The following SCML4 variants were observed in gnomAD, a reference collection of about 807,000 sequenced individuals.
The protein encoded by SCML4 is sex comb on midleg-like protein 4.
SCML4 carries 34 observed loss-of-function variants against 41.1 expected under a neutral mutation model. The observed-to-expected ratio is 0.83, with a 90% CI of 0.63 to 1.10. The LOEUF is 1.10. SCML4 is among the 50% of genes least tolerant of loss of function. The pLI is 0.00. For missense variants in SCML4, 522 were observed against 534.1 expected, an observed-to-expected ratio of 0.98 and a Z score of 0.22; for synonymous variants, 214 against 220.9, an observed-to-expected ratio of 0.97 and a Z score of 0.28.
intron 2 of SCML4, among the ~76,000 whole-genome samples, chr6:107,750,628 G>T (rs539039590): frequency 6.6e-5 from 10 of 152,276 alleles, no homozygotes; most frequent in African/African-American, 1.9e-4. Flanking sequence ...TCAGTCTCTG[G>T]AAGTGAGACT....
intron 7 of SCML4, 53 bp from the exon 8 acceptor site, chr6:107,705,378 C>T (rs1002121706): frequency 5.2e-6 from 8 of 1,524,650 alleles, no homozygotes; most frequent in South Asian, 2.4e-5. Flanking sequence ...TCAGAGTCAT[C>T]GAACAGTGGC....
At chr6:107,721,070 A>G in intron 5 of SCML4, 77 bp from the exon 6 acceptor site, 1 of 1,491,768 alleles carries the variant, frequency 6.7e-7, no homozygotes, top group South Asian at 1.4e-5. Flanking sequence ...GTCTTGGCAA[A>G]CCCTGCCCTG....
intron 2 of SCML4, among the ~76,000 whole-genome samples, chr6:107,762,948 T>A (rs1166828161): frequency 1.4e-5 from 2 of 146,108 alleles, no homozygotes; most frequent in African/African-American, 5.1e-5. Flanking sequence ...AGTGACACAA[T>A]CATGACTTAC....
At chr6:107,801,326 C>G (rs774127675) in intron 1 of SCML4, among the ~76,000 whole-genome samples, 17 of 152,194 alleles carry the variant, frequency 1.1e-4, no homozygotes, top group Non-Finnish European at 1.6e-4. Context: ...GTAATCCCTT[C>G]CCCACCTCCC....
chr6:107,771,334 C>T (rs919547867), intron 2 of SCML4, among the ~76,000 whole-genome samples: 3 of 152,144 alleles, frequency 2.0e-5, no homozygotes, highest in South Asian at 4.1e-4. Context: ...AAGATGGAAA[C>T]ATAAGCCTTT....
chr6:107,709,751 C>T (rs1204823872), intron 6 of SCML4, among the ~76,000 whole-genome samples: 1 of 152,002 alleles, frequency 6.6e-6, no homozygotes, highest in South Asian at 2.1e-4. Context: ...ACTCTTGTTG[C>T]GCAGGCTGGA....
rs1442905278 is a variant in SCML4, at chr6:107,720,697, C to T, written c.973+6G>A. ...CAGTGGGAAGCTGATGCATGCATTA[C>T]ATTACCACATCTGTTTCCTTCAAGA... On this transcript the variant is annotated splice_donor_region_variant and intron_variant, in intron 6 of 7. Coordinates refer to ENST00000369020, the MANE Select transcript of SCML4 (RefSeq NM_198081.5). The T allele has an allele frequency of 6.5e-7, 1 of 1,537,368 alleles. No individual in the cohort carries two copies. Among genetic ancestry groups the T allele is most frequent in the Non-Finnish European group, 8.7e-7 (1 of 1,144,300 alleles).
intron 1 of SCML4, among the ~76,000 whole-genome samples, chr6:107,801,782 C>T: frequency 6.8e-6 from 1 of 147,410 alleles, no homozygotes; most frequent in South Asian, 2.1e-4. Context: ...TTATTCATTT[C>T]TTTTTTTTTT....
chr6:107,778,222 A>AAAAAAAAAAAAAAATATATATATAT (rs1554218145), intron 1 of SCML4, among the ~76,000 whole-genome samples: 1 of 15,540 alleles, frequency 6.4e-5, no homozygotes, highest in Non-Finnish European at 1.5e-4. Context: ...AAAAAAAAAA[A>AAAAAAAAAAAAAAATATATATATAT]ATATATATAT....
At chr6:107,791,705 G>A (rs552664128) in intron 1 of SCML4, among the ~76,000 whole-genome samples, 1 of 152,224 alleles carries the variant, frequency 6.6e-6, no homozygotes, top group South Asian at 2.1e-4. Context: ...TGTAATCCCA[G>A]CACTTTGTGA....
At chr6:107,713,436 G>T (rs1048629999) in intron 6 of SCML4, among the ~76,000 whole-genome samples, 1 of 152,192 alleles carries the variant, frequency 6.6e-6, no homozygotes, top group Non-Finnish European at 1.5e-5. Context: ...CCCACTAAGG[G>T]AGTCACTTCC....
At chr6:107,756,770 A>G (rs904520668) in intron 2 of SCML4, among the ~76,000 whole-genome samples, 4 of 152,156 alleles carry the variant, frequency 2.6e-5, no homozygotes, top group South Asian at 2.1e-4. Context: ...ATTCTAAAAT[A>G]GTGTTTGTTT....
chr6:107,722,561 AAAC>A (rs1168963462), intron 5 of SCML4, among the ~76,000 whole-genome samples: 3 of 152,212 alleles, frequency 2.0e-5, no homozygotes, highest in Admixed American at 6.5e-5. Context: ...AAACAAAACA[AAAC>A]AACAACAACA....
the SCML4 span, among the ~76,000 whole-genome samples, chr6:107,837,628 C>A: frequency 6.6e-6 from 1 of 152,176 alleles, no homozygotes; most frequent in Admixed American, 6.5e-5. Flanking sequence ...TAACACCAGA[C>A]ACCATGATAT....
At position 107,745,025 on chromosome 6, in the gene SCML4, G is replaced by A. The variant is rs934710621; in HGVS notation, c.606C>T (p.Phe202=). ...AGCCCCTGGGGAAGGGCTGGTGGCT[G>A]AAGAGGTCATCGCACAGGAGGCTTC... The part of the protein sequence containing the change: ...LCRSLLCDDL[F]SHQPFPRGCS... Residue 202 remains phenylalanine (F), a synonymous_variant, in exon 5 of 8, where the codon TTC becomes TTT. Transcript: ENST00000369020. The A allele has an allele frequency of 6.2e-7, 1 of 1,614,162 alleles. No homozygotes were observed. The highest frequency in any genetic ancestry group is 8.5e-7 in the Non-Finnish European group (1 of 1,179,990).
At chr6:107,831,224 T>C in the SCML4 span, among the ~76,000 whole-genome samples, 2 of 152,140 alleles carry the variant, frequency 1.3e-5, no homozygotes, top group Admixed American at 1.3e-4. Flanking sequence ...ATGTAGAAGA[T>C]AGTTTTGGGG....
At chr6:107,762,824 G>A (rs2114544310) in intron 2 of SCML4, among the ~76,000 whole-genome samples, 1 of 139,608 alleles carries the variant, frequency 7.2e-6, no homozygotes, top group Middle Eastern at 4.0e-3. Context: ...TCTGTTGTTT[G>A]TTATCTAGTT....
In SCML4 at chr6:107,721,008, A is replaced by C; in HGVS notation, c.683-15T>G. The C allele has an allele frequency of 6.3e-7, 1 of 1,585,382 alleles. No individual in the cohort carries two copies. Among genetic ancestry groups the C allele is most frequent in the Non-Finnish European group, 8.6e-7 (1 of 1,166,408 alleles). On this transcript the variant is annotated splice_polypyrimidine_tract_variant and intron_variant, in intron 5 of 7. Coordinates refer to ENST00000369020, the MANE Select transcript of SCML4 (RefSeq NM_198081.5). ...GACTGTCTTGACTAAGCAATAAGGC[A>C]GTACAGAGAAGCAGATATCAGAGAG...
At chr6:107,719,825 A>G (rs780275216) in intron 6 of SCML4, 245 of 898,430 alleles carry the variant, frequency 2.7e-4, no homozygotes, top group Non-Finnish European at 3.2e-4. Flanking sequence ...CCAGCATCTC[A>G]GCCCAGGCTG....
Sources: allele counts gnomAD v4.1 joint callset (sites outside exome capture counted in the v4.1 genomes callset), GRCh38; gene constraint gnomAD v4.1.1; transcripts MANE v1.5; gene names NCBI Gene and HGNC (gene_info 2026-07-23, HGNC 2026-07-21).